Variants in ACER3 observed in about 807,000 individuals in gnomAD.
ACER3 encodes alkaline ceramidase 3.
A neutral mutation model predicts 48.9 loss-of-function variants in ACER3; 16 were observed. The observed-to-expected ratio is 0.33, with a 90% CI of 0.22 to 0.50. The LOEUF is 0.50. ACER3 is among the 20% of genes least tolerant of loss of function. ACER3 has a pLI of 0.98. For missense variants in ACER3, 227 were observed against 326.0 expected, an observed-to-expected ratio of 0.70 and a Z score of 2.34; for synonymous variants, 109 against 107.8, an observed-to-expected ratio of 1.01 and a Z score of -0.07.
chr11:76,997,289 GT>G, intron 6 of ACER3, among the ~76,000 whole-genome samples: 1 of 152,164 alleles, frequency 6.6e-6, no homozygotes, highest in East Asian at 1.9e-4. Flanking sequence ...TCTGGATTAG[GT>G]GGCCTTCCTA....
intron 1 of ACER3, among the ~76,000 whole-genome samples, chr11:76,912,929 AAG>A (rs144021108): frequency 0.019 from 2,900 of 152,260 alleles, 99 homozygotes; most frequent in African/African-American, 0.066. Flanking sequence ...ACAGCAGAAA[AAG>A]AGACTGAGGC....
chr11:76,910,979 A>T (rs565750190), intron 1 of ACER3, among the ~76,000 whole-genome samples: 2 of 152,138 alleles, frequency 1.3e-5, no homozygotes, highest in African/African-American at 4.8e-5. Context: ...AACAATGACC[A>T]TTTTTCTGAT....
chr11:77,003,635 G>C (rs1949078079), intron 7 of ACER3, among the ~76,000 whole-genome samples: 3 of 152,016 alleles, frequency 2.0e-5, no homozygotes, highest in Admixed American at 6.6e-5. Context: ...TGAGATGGAA[G>C]CTTAAATTTT....
At chr11:76,949,526 AAG>A (rs1455053232) in intron 2 of ACER3, among the ~76,000 whole-genome samples, 2 of 152,208 alleles carry the variant, frequency 1.3e-5, no homozygotes, top group African/African-American at 4.8e-5. Flanking sequence ...ATGCAAGAAA[AAG>A]AAAGAAAAAA....
At chr11:76,873,281 C>T (rs1945291720) in intron 1 of ACER3, among the ~76,000 whole-genome samples, 1 of 152,120 alleles carries the variant, frequency 6.6e-6, no homozygotes, top group African/African-American at 2.4e-5. Flanking sequence ...AGAAACAAGG[C>T]TTTAACATCC....
intron 1 of ACER3, among the ~76,000 whole-genome samples, chr11:76,915,801 G>A (rs559589450): frequency 6.6e-6 from 1 of 152,350 alleles, no homozygotes; most frequent in Non-Finnish European, 1.5e-5. Flanking sequence ...ATGGCAGCAG[G>A]AGAGTGTGTG....
chr11:76,939,970 C>A (rs1035083761), intron 2 of ACER3, among the ~76,000 whole-genome samples: 3 of 152,036 alleles, frequency 2.0e-5, no homozygotes, highest in Non-Finnish European at 4.4e-5. Flanking sequence ...GATAGTAATA[C>A]TACATTAATG....
At chr11:76,979,461 G>C (rs1251123026) in intron 4 of ACER3, among the ~76,000 whole-genome samples, 1 of 152,116 alleles carries the variant, frequency 6.6e-6, no homozygotes, top group Non-Finnish European at 1.5e-5. Context: ...ACAGCAGCCT[G>C]GCCAACATGG....
chr11:76,875,757 G>A (rs1176383048), intron 1 of ACER3, among the ~76,000 whole-genome samples: 2 of 6,170 alleles, frequency 3.2e-4, no homozygotes, highest in South Asian at 4.3e-3. Context: ...TTTTTTTTTT[G>A]TGGAGTCTCA....
At chr11:76,912,621 C>T (rs184543868) in intron 1 of ACER3, among the ~76,000 whole-genome samples, 57 of 151,956 alleles carry the variant, frequency 3.8e-4, no homozygotes, top group African/African-American at 1.3e-3. Context: ...GTTATAGAAC[C>T]CAGATCACTA....
intron 2 of ACER3, among the ~76,000 whole-genome samples, chr11:76,930,016 G>A (rs11237020): frequency 0.74 from 109,306 of 148,436 alleles, 40,721 homozygotes; most frequent in African/African-American, 0.8. Context: ...CTCTTTTTCT[G>A]TTGATTGGAA....
intron 1 of ACER3, among the ~76,000 whole-genome samples, chr11:76,888,582 T>C (rs1034001477): frequency 9.2e-5 from 14 of 152,210 alleles, no homozygotes; most frequent in African/African-American, 3.4e-4. Context: ...TCTGTGGTTA[T>C]AGGACTGAGA....
intron 1 of ACER3, among the ~76,000 whole-genome samples, chr11:76,883,404 A>G (rs1178529552): frequency 7.9e-6 from 1 of 126,532 alleles, no homozygotes; most frequent in Non-Finnish European, 1.7e-5. Context: ...CATCACTGTC[A>G]TTTTGGCGTT....
At chr11:76,958,842 C>A in intron 2 of ACER3, 137 bp from the exon 3 acceptor site, 1 of 882,968 alleles carries the variant, frequency 1.1e-6, no homozygotes, top group Non-Finnish European at 1.7e-6. Flanking sequence ...ACTCAAGAGT[C>A]AGCTATATCT....
At chr11:77,009,781 A>G (rs1949223654) in intron 7 of ACER3, among the ~76,000 whole-genome samples, 2 of 152,148 alleles carry the variant, frequency 1.3e-5, no homozygotes, top group Admixed American at 1.3e-4. Flanking sequence ...ACTGCACTCC[A>G]GCCTGGGCAA....
intron 1 of ACER3, among the ~76,000 whole-genome samples, chr11:76,910,593 CT>C (rs1946353652): frequency 6.6e-6 from 1 of 152,096 alleles, no homozygotes; most frequent in Admixed American, 6.6e-5. Flanking sequence ...GGTTAAGTAA[CT>C]TGGATAAACA....
intron 1 of ACER3, among the ~76,000 whole-genome samples, chr11:76,912,599 G>T (rs1946409396): frequency 6.6e-6 from 1 of 151,930 alleles, no homozygotes; most frequent in Non-Finnish European, 1.5e-5. Context: ...ATGACATATT[G>T]TTTTTAAAAA....
chr11:77,019,738 A>G lies in ACER3; in HGVS notation c.712A>G (p.Thr238Ala), dbSNP rs1376833610. The stretch of plus-strand genomic sequence containing the variant: ...CTCCCACTTTTCTTTCAGTTTGTAT[A>G]CAAGAACACTTTACCTGAGATATAG... Reference protein sequence around the residue: ...SYLHILFSLYTRTLYLRYRPK... With the variant: ...SYLHILFSLYARTLYLRYRPK... The change falls in exon 10 of 11, where the codon ACA (threonine) becomes GCA (alanine). Residue 238 changes from threonine (T) to alanine (A), a missense_variant. Around this residue, in one of 3 missense-constraint regions of ACER3, gnomAD observed 195 missense variants for 290.8 expected, o/e 0.67. Transcript: ENST00000532485. The G allele has an allele frequency of 1.2e-6, 2 of 1,614,094 alleles. No homozygotes were observed. The highest frequency in any genetic ancestry group is 1.7e-6 in the Non-Finnish European group (2 of 1,179,960).
chr11:76,943,016 G>A (rs1590967139), intron 2 of ACER3, among the ~76,000 whole-genome samples: 2 of 151,856 alleles, frequency 1.3e-5, no homozygotes, highest in African/African-American at 4.8e-5. Context: ...GGTATCAATT[G>A]TAATGTCTCC....
Sources: allele counts gnomAD v4.1 joint callset (sites outside exome capture counted in the v4.1 genomes callset), GRCh38; gene constraint gnomAD v4.1.1; regional missense constraint gnomAD v4.1.1; transcripts MANE v1.5; gene names NCBI Gene and HGNC (gene_info 2026-07-23, HGNC 2026-07-21).